Variants in SLC66A2 observed in about 807,000 individuals in gnomAD.
SLC66A2 encodes solute carrier family 66 member 2.
SLC66A2 carries 23 observed loss-of-function variants against 25.5 expected under a neutral mutation model. The ratio of observed to expected loss-of-function variants is 0.90; its 90% CI spans 0.65 to 1.28. The LOEUF is 1.28. SLC66A2 is among the 50% of genes most tolerant of loss of function. The probability of loss-of-function intolerance (pLI) is 0.00; values close to 1 mark genes in which losing one functional copy is unlikely to be tolerated. For synonymous variants in SLC66A2, 193 were observed against 166.5 expected (o/e 1.16, Z -1.23); for missense variants, 396 against 373.1 (o/e 1.06, Z -0.51).
chr18:79,913,004 C>T (rs1983463909), intron 5 of SLC66A2, among the ~76,000 whole-genome samples: 1 of 152,198 alleles, frequency 6.6e-6, no homozygotes, highest in Non-Finnish European at 1.5e-5. Flanking sequence ...GCTGAGGACC[C>T]ACACAGCCTG....
chr18:79,926,875 C>A (rs897749375), intron 4 of SLC66A2, among the ~76,000 whole-genome samples: 1 of 152,108 alleles, frequency 6.6e-6, no homozygotes, highest in African/African-American at 2.4e-5. Context: ...GGTTACTGAC[C>A]ACAAGTGTTG....
chr18:79,910,829 C>A (rs1185652292), intron 5 of SLC66A2, among the ~76,000 whole-genome samples: 1 of 152,226 alleles, frequency 6.6e-6, no homozygotes, highest in Non-Finnish European at 1.5e-5. Flanking sequence ...AACGTCCCTC[C>A]TCACACAGCG....
At chr18:79,951,142 C>G (rs2051109955) in intron 1 of SLC66A2, 117 bp from the exon 2 acceptor site, 1 of 246,850 alleles carries the variant, frequency 4.1e-6, no homozygotes, top group Admixed American at 5.5e-5. Flanking sequence ...CGACCGGGGC[C>G]CGGGGCGCGC....
chr18:79,941,083 G>A lies in SLC66A2; in HGVS notation c.337+2246C>T, dbSNP rs1001011659. On this transcript the variant is annotated intron_variant, in intron 3 of 5. Coordinates refer to ENST00000397778, the MANE Select transcript of SLC66A2 (RefSeq NM_025078.5). This position sits in a 1 kb window ranked among gnomAD's most constrained non-coding sequence, Gnocchi z 4.1. ...GCCTCCATAACAAGGTACCACAAACGTGGCAGCCACAATGCAGGCTGATTA... is the reference window on the plus strand; with the variant it reads ...GCCTCCATAACAAGGTACCACAAACATGGCAGCCACAATGCAGGCTGATTA... 2.6e-5 allele frequency among the ~76,000 whole-genome samples: 4 copies of A among 152,186 alleles called. No homozygotes were observed. Among genetic ancestry groups the A allele is most frequent in the African/African-American group, 9.7e-5 (4 of 41,446 alleles).
chr18:79,911,191 G>C (rs1212078672), intron 5 of SLC66A2, among the ~76,000 whole-genome samples: 1 of 152,248 alleles, frequency 6.6e-6, no homozygotes, highest in Admixed American at 6.5e-5. Context: ...GCAGAGCCCA[G>C]GCCCATTCGG....
chr18:79,915,752 C>T (rs572954716), intron 5 of SLC66A2: 1 of 152,262 alleles, frequency 6.6e-6, no homozygotes, highest in South Asian at 2.1e-4. Context: ...TTGGCACTCA[C>T]CCAGGGAGCA....
chr18:79,916,149 C>T (rs371590600), intron 5 of SLC66A2, among the ~76,000 whole-genome samples: 1,248 of 39,906 alleles, frequency 0.031, 28 homozygotes, highest in East Asian at 0.12. Context: ...CCCGTACCCG[C>T]GGCGCTCTCG....
At chr18:79,909,618 CACAG>C (rs1982660512) in intron 5 of SLC66A2, among the ~76,000 whole-genome samples, 3 of 109,418 alleles carry the variant, frequency 2.7e-5, no homozygotes, top group Non-Finnish European at 5.7e-5. Flanking sequence ...AGCATCTCAC[CACAG>C]AGTCCGCAAC....
intron 4 of SLC66A2, among the ~76,000 whole-genome samples, chr18:79,931,433 G>T (rs1284341272): frequency 2.6e-5 from 4 of 152,148 alleles, no homozygotes; most frequent in Non-Finnish European, 5.9e-5. Flanking sequence ...AGACACAGAT[G>T]TCAAAAGAGA....
At chr18:79,931,595 C>A (rs1449737835) in intron 4 of SLC66A2, among the ~76,000 whole-genome samples, 6 of 152,212 alleles carry the variant, frequency 3.9e-5, no homozygotes, top group Non-Finnish European at 5.9e-5. Flanking sequence ...CACAGAAGAA[C>A]AATAAATCAT....
rs911086533 is a variant in SLC66A2, at chr18:79,918,421, G to C, written c.608+763C>G. ...CGGATCCCCAGTGAGGAGCGGGCCC[G>C]GGGGGGGGTCCCCAGTGAGGAGCGG... On this transcript the variant is annotated intron_variant, in intron 5 of 5. Transcript: ENST00000397778. This position sits in a 1 kb window ranked among gnomAD's most constrained non-coding sequence, Gnocchi z 4.0. Among the ~76,000 whole-genome samples, 1 of 43,834 alleles carries C rather than the reference G, an allele frequency of 2.3e-5. No homozygotes were observed. Among genetic ancestry groups the C allele is most frequent in the African/African-American group, 4.3e-5 (1 of 23,132 alleles). 28.8% of individuals were successfully genotyped at this position (43,834 alleles called of 152,430 possible).
intron 5 of SLC66A2, among the ~76,000 whole-genome samples, chr18:79,914,406 C>G (rs1020317578): frequency 2.0e-5 from 3 of 152,228 alleles, no homozygotes; most frequent in Non-Finnish European, 4.4e-5. Context: ...TCAGGCAGAT[C>G]GGAGCACAAA....
At chr18:79,926,188 G>A (rs892264274) in intron 4 of SLC66A2, among the ~76,000 whole-genome samples, 8 of 152,216 alleles carry the variant, frequency 5.3e-5, no homozygotes, top group Non-Finnish European at 1.0e-4. Flanking sequence ...CCATAAAAAT[G>A]GGCAACCAGC....
chr18:79,942,798 T>A (rs1987791936), intron 3 of SLC66A2, among the ~76,000 whole-genome samples: 1 of 152,204 alleles, frequency 6.6e-6, no homozygotes, highest in African/African-American at 2.4e-5. Flanking sequence ...GCTAAGCATG[T>A]GATTGGTCCT....
intron 5 of SLC66A2, among the ~76,000 whole-genome samples, chr18:79,910,066 T>C (rs1599493633): frequency 1.3e-5 from 1 of 76,602 alleles, no homozygotes; most frequent in Non-Finnish European, 2.5e-5. Flanking sequence ...GTCCCCAGCC[T>C]TCCCCACCAT....
intron 3 of SLC66A2, among the ~76,000 whole-genome samples, chr18:79,942,783 T>C (rs1327390803): frequency 6.6e-6 from 1 of 152,222 alleles, no homozygotes; most frequent in Non-Finnish European, 1.5e-5. Context: ...TAAGGAGCCA[T>C]GTGTGCTAAG....
chr18:79,934,113 C>T, intron 3 of SLC66A2, 91 bp from the exon 4 acceptor site: 2 of 947,994 alleles, frequency 2.1e-6, no homozygotes, highest in East Asian at 2.6e-5. Context: ...GTTCCCAGAA[C>T]TTTTTGCATT....
In SLC66A2 at chr18:79,904,005, C is replaced by G. The variant is rs768710041; in HGVS notation, c.787G>C (p.Val263Leu). The G allele has an allele frequency of 1.2e-6, 2 of 1,604,390 alleles. No homozygotes were observed. Among genetic ancestry groups the G allele is most frequent in the Non-Finnish European group, 1.7e-6 (2 of 1,176,716 alleles). ...RHPQKPAPHA[V>L]HPTGTKAL ...AGGGCCTTGGTGCCAGTGGGGTGCA[C>G]GGCGTGGGGCGCCGGCTTCTGGGGG... The change falls in exon 6 of 6, where the codon GTG becomes CTG. Residue 263 changes from valine (V) to leucine (L), a missense_variant. Val to Leu is a conservative substitution (Grantham distance 32, BLOSUM62 1). Transcript: ENST00000397778. This position sits in a 1 kb window ranked among gnomAD's most constrained non-coding sequence, Gnocchi z 6.3.
chr18:79,922,838 G>A (rs1001306522), intron 4 of SLC66A2, among the ~76,000 whole-genome samples: 20 of 126,164 alleles, frequency 1.6e-4, no homozygotes, highest in Non-Finnish European at 3.0e-4. Flanking sequence ...GATTGGGGGG[G>A]TTGGGGTATG....
Sources: gnomAD v4.1 joint callset for allele counts (sites outside exome capture counted in the v4.1 genomes callset) on GRCh38, gnomAD v4.1.1 for gene constraint, Gnocchi (gnomAD v3.1) non-coding constraint, MANE v1.5 for transcripts, NCBI Gene and HGNC (gene_info 2026-07-23, HGNC 2026-07-21) for gene names.